Variants in DNMBP observed in about 807,000 individuals in gnomAD.
DNMBP encodes dynamin binding protein, also known as dynamin-binding protein.
Under a neutral mutation model 150.0 loss-of-function variants are expected in DNMBP, and 87 were observed. The ratio of observed to expected loss-of-function variants is 0.58; its 90% confidence interval spans 0.49 to 0.69. The LOEUF is 0.69. Among genes scored for constraint, DNMBP ranks in the 30% least tolerant of loss-of-function variants. The pLI is 0.00. For synonymous variants in DNMBP, 711 were observed against 750.4 expected (o/e 0.95, Z 0.86); for missense variants, 1,774 against 1,949.0 (o/e 0.91, Z 1.69).
At chr10:99,945,058 T>TG (rs1338524449) in intron 4 of DNMBP, among the ~76,000 whole-genome samples, 1 of 152,240 alleles carries the variant, frequency 6.6e-6, no homozygotes, top group Non-Finnish European at 1.5e-5. Context: ...CAAGGTACAC[T>TG]GAGCCTTGAA....
intron 1 of DNMBP, among the ~76,000 whole-genome samples, chr10:100,005,943 G>T (rs1203249461): frequency 6.6e-6 from 1 of 152,102 alleles, no homozygotes; most frequent in African/African-American, 2.4e-5. Flanking sequence ...ATGGGACAAG[G>T]GAATTCTACA....
intron 3 of DNMBP, among the ~76,000 whole-genome samples, chr10:99,964,587 G>A (rs896979229): frequency 3.9e-4 from 58 of 150,328 alleles, no homozygotes; most frequent in African/African-American, 1.4e-3. Flanking sequence ...AATATAACTC[G>A]AGGCCAGGCG....
Position 99,956,731 on chromosome 10 carries a change from C to G in DNMBP, c.743G>C (p.Gly248Ala). Residue 248 changes from glycine to alanine, a missense_variant, in exon 4 of 17, where the codon GGG becomes GCG. Around this residue, in one of 2 missense-constraint regions of DNMBP, gnomAD observed 344 missense variants for 456.6 expected, o/e 0.75. Coordinates refer to ENST00000324109, the MANE Select transcript of DNMBP (RefSeq NM_015221.4). ...GGCTTGGAATCTGTACAGGGCGACC[C>G]CATAGGTCCCTGGCTCCTCCTCATC... is the stretch of plus-strand genomic sequence containing the variant. Reference protein sequence around the residue: ...DEDEEEPGTYGVALYRFQALE... With the variant: ...DEDEEEPGTYAVALYRFQALE... The G allele has an allele frequency of 1.2e-6, 2 of 1,614,092 alleles. No individual in the cohort carries two copies. The highest frequency in any genetic ancestry group is 8.5e-7 in the Non-Finnish European group (1 of 1,180,008).
intron 1 of DNMBP, among the ~76,000 whole-genome samples, chr10:99,988,861 C>CGTAGAG (rs1271950807): frequency 1.4e-4 from 22 of 152,182 alleles, no homozygotes; most frequent in African/African-American, 5.1e-4. Flanking sequence ...GGGGTTTTAC[C>CGTAGAG]ATGTTGGCCA....
In DNMBP at chr10:99,908,025, A is replaced by G; in HGVS notation, c.2524T>C (p.Leu842=). 1 of 1,614,134 alleles carries G rather than the reference A, an allele frequency of 6.2e-7. No homozygotes were observed. Among genetic ancestry groups the G allele is most frequent in the Non-Finnish European group, 8.5e-7 (1 of 1,179,976 alleles). Residue 842 remains leucine (L), a synonymous_variant, in exon 6 of 17, where the codon TTG becomes CTG. Coordinates refer to ENST00000324109, the MANE Select transcript of DNMBP (RefSeq NM_015221.4). ...QMVIKVSKQL[L]AALEISDAVG... ...GCATCGCTGATTTCCAGAGCAGCCA[A>G]TAATTGCTTCGAGACCTTAATCACC...
intron 11 of DNMBP, among the ~76,000 whole-genome samples, chr10:99,890,497 T>C (rs1395169890): frequency 6.6e-6 from 1 of 152,260 alleles, no homozygotes; most frequent in African/African-American, 2.4e-5. Context: ...AGGTGAGCCT[T>C]TTAAGGGCTG....
intron 15 of DNMBP, among the ~76,000 whole-genome samples, chr10:99,882,174 A>C (rs1438733889): frequency 1.3e-5 from 2 of 152,244 alleles, no homozygotes; most frequent in Admixed American, 6.5e-5. Context: ...AGTTGATCTC[A>C]TAGAGGTTGA....
At chr10:99,915,585 C>T (rs760225390) in intron 4 of DNMBP, among the ~76,000 whole-genome samples, 1 of 151,830 alleles carries the variant, frequency 6.6e-6, no homozygotes, top group Non-Finnish European at 1.5e-5. Context: ...CGTGGTAGCA[C>T]GTGCCTGTAG....
chr10:99,982,145 C>T (rs1290856490), intron 1 of DNMBP, among the ~76,000 whole-genome samples: 1 of 152,036 alleles, frequency 6.6e-6, no homozygotes, highest in African/African-American at 2.4e-5. Flanking sequence ...GAGAACAACA[C>T]ATGAAAAGAA....
At chr10:99,935,755 G>A (rs1349158204) in intron 4 of DNMBP, among the ~76,000 whole-genome samples, 2 of 152,116 alleles carry the variant, frequency 1.3e-5, no homozygotes, top group Non-Finnish European at 2.9e-5. Flanking sequence ...GTAGACACAG[G>A]GTTTCACCAT....
At chr10:99,935,323 T>C (rs1470519134) in intron 4 of DNMBP, among the ~76,000 whole-genome samples, 1 of 152,046 alleles carries the variant, frequency 6.6e-6, no homozygotes, top group East Asian at 1.9e-4. Context: ...AGGTGGTACC[T>C]ACCATTAAGG....
chr10:99,915,181 CTACACACATA>C (rs1345322963), intron 4 of DNMBP, among the ~76,000 whole-genome samples: 10 of 130,202 alleles, frequency 7.7e-5, no homozygotes, highest in South Asian at 7.4e-4. Context: ...ATATATACAT[CTACACACATA>C]TACACACATA....
intron 7 of DNMBP, 105 bp from the exon 8 acceptor site, chr10:99,898,865 GA>G (rs1219967968): frequency 9.0e-7 from 1 of 1,106,602 alleles, no homozygotes; most frequent in Admixed American, 1.9e-5. Context: ...AAAAAATTAT[GA>G]ATGTTTATGG....
intron 4 of DNMBP, among the ~76,000 whole-genome samples, chr10:99,921,430 C>T (rs889429720): frequency 2.0e-5 from 3 of 152,324 alleles, no homozygotes; most frequent in Non-Finnish European, 4.4e-5. Context: ...ATGCCAAGTA[C>T]TATGTTAGAT....
At chr10:99,881,952 A>T (rs1360085122) in intron 15 of DNMBP, among the ~76,000 whole-genome samples, 2 of 152,200 alleles carry the variant, frequency 1.3e-5, no homozygotes, top group East Asian at 1.9e-4. Flanking sequence ...GATTCTTTTT[A>T]ATTCTGGGAA....
intron 4 of DNMBP, among the ~76,000 whole-genome samples, chr10:99,933,686 C>T (rs556681586): frequency 1.3e-5 from 2 of 152,256 alleles, no homozygotes; most frequent in South Asian, 2.1e-4. Context: ...TCTGTGTTCT[C>T]GATGGATGGC....
At chr10:99,992,534 T>G (rs1011113705) in intron 1 of DNMBP, among the ~76,000 whole-genome samples, 3 of 148,592 alleles carry the variant, frequency 2.0e-5, no homozygotes, top group Non-Finnish European at 4.4e-5. Context: ...GAGTTTTTTT[T>G]TTTTTTTTTT....
intron 11 of DNMBP, among the ~76,000 whole-genome samples, chr10:99,894,682 A>T (rs570566129): frequency 2.0e-5 from 3 of 152,334 alleles, no homozygotes; most frequent in African/African-American, 7.2e-5. Flanking sequence ...TAAAAGAAAA[A>T]TAAGGTGTGT....
intron 1 of DNMBP, among the ~76,000 whole-genome samples, chr10:99,987,286 A>T (rs2040838527): frequency 6.6e-6 from 1 of 152,140 alleles, no homozygotes; most frequent in South Asian, 2.1e-4. Context: ...GGATCACTTG[A>T]GGCTAGGAGC....
Sources: allele counts gnomAD v4.1 joint callset (sites outside exome capture counted in the v4.1 genomes callset), GRCh38; gene constraint gnomAD v4.1.1; regional missense constraint gnomAD v4.1.1; transcripts MANE v1.5; gene names NCBI Gene and HGNC (gene_info 2026-07-23, HGNC 2026-07-21).